Variants in PMEPA1 observed in about 807,000 individuals in gnomAD.
PMEPA1 encodes the protein prostate transmembrane protein, androgen induced 1, also known as protein TMEPAI.
In PMEPA1, 11 loss-of-function variants were observed where a neutral mutation model predicts 23.0. That is an observed-to-expected ratio of 0.48 (90% CI 0.30 to 0.79). The LOEUF is 0.79. PMEPA1 is among the 30% of genes least tolerant of loss of function. The probability of loss-of-function intolerance (pLI) is 0.06; values close to 1 mark genes in which losing one functional copy is unlikely to be tolerated. For synonymous variants in PMEPA1, 204 were observed against 166.4 expected (o/e 1.23, Z -1.74); for missense variants, 377 against 390.9 (o/e 0.96, Z 0.30).
chr20:57,686,015 GC>G (rs2071796283), intron 1 of PMEPA1, among the ~76,000 whole-genome samples: 1 of 152,108 alleles, frequency 6.6e-6, no homozygotes, highest in South Asian at 2.1e-4. Flanking sequence ...CAAGGGTGTG[GC>G]CCGGGGACAC....
intron 2 of PMEPA1, among the ~76,000 whole-genome samples, chr20:57,657,903 G>A (rs1277006342): frequency 6.6e-6 from 1 of 152,196 alleles, no homozygotes; most frequent in East Asian, 1.9e-4. Flanking sequence ...TCAGAGACGT[G>A]CCGCAGCCCC....
chr20:57,690,007 C>T (rs1486521656), intron 1 of PMEPA1, among the ~76,000 whole-genome samples: 1 of 152,268 alleles, frequency 6.6e-6, no homozygotes, highest in Non-Finnish European at 1.5e-5. Context: ...TGAGCTTCTC[C>T]CAACACCCGA....
intron 2 of PMEPA1, among the ~76,000 whole-genome samples, chr20:57,659,234 C>G (rs1424230828): frequency 1.3e-5 from 2 of 152,244 alleles, no homozygotes; most frequent in Non-Finnish European, 2.9e-5. Context: ...GCCCTCTCCC[C>G]AGGCCCTGCA....
intron 1 of PMEPA1, among the ~76,000 whole-genome samples, chr20:57,669,364 T>C (rs1403532653): frequency 6.6e-6 from 1 of 152,106 alleles, no homozygotes; most frequent in East Asian, 1.9e-4. Context: ...TTTCACCATG[T>C]TGGACAGGCT....
chr20:57,652,913 A>C lies in PMEPA1; in HGVS notation c.318+120T>G, dbSNP rs1357879810. 13 of 852,452 alleles carry C rather than the reference A, an allele frequency of 1.5e-5. No individual in the cohort carries two copies. In the East Asian group the frequency reaches 1.9e-4, roughly 12 times the overall value. The allele number at this position is 852,452 out of a possible 1,614,324, so 52.8% of individuals were successfully genotyped here. A position where few individuals can be genotyped will look rare whatever the true frequency, so the allele number is the denominator to read the frequency against. The stretch of plus-strand genomic sequence containing the variant: ...CTCCGGCAAGGAGGATCCCAGCAGC[A>C]AGGGCACTGCAGAGGAGGGCGGAGG... On this transcript the variant is annotated intron_variant, in intron 3 of 3. Coordinates refer to ENST00000341744, the MANE Select transcript of PMEPA1 (RefSeq NM_020182.5). This position sits in a 1 kb window ranked among gnomAD's most constrained non-coding sequence, Gnocchi z 6.1.
chr20:57,700,646 A>G (rs963839653), intron 1 of PMEPA1, among the ~76,000 whole-genome samples: 2 of 152,160 alleles, frequency 1.3e-5, no homozygotes, highest in African/African-American at 4.8e-5. Context: ...GGGATTTTCA[A>G]CTTGTTACTA....
chr20:57,690,559 C>A, intron 1 of PMEPA1: 1 of 1,276,056 alleles, frequency 7.8e-7, no homozygotes, highest in Non-Finnish European at 1.0e-6. Flanking sequence ...TAGCAGGAGG[C>A]GGGGTCTCCA....
At chr20:57,686,160 G>A (rs2071798550) in intron 1 of PMEPA1, among the ~76,000 whole-genome samples, 2 of 152,152 alleles carry the variant, frequency 1.3e-5, no homozygotes, top group Admixed American at 1.3e-4. Flanking sequence ...TCTCCTTCAG[G>A]TTACACTCCG....
upstream of PMEPA1, chr20:57,710,402 TG>T: frequency 2.5e-6 from 4 of 1,577,518 alleles, no homozygotes; most frequent in South Asian, 2.3e-5. Flanking sequence ...ACAAGGTCCC[TG>T]GGGGCTCAGG....
In PMEPA1 at chr20:57,651,445, C is replaced by G. The variant is rs2071226679; in HGVS notation, c.*608G>C. 6.6e-6 allele frequency: 1 copy of G among 152,630 alleles called. No individual in the cohort carries two copies. The highest frequency in any genetic ancestry group is 2.1e-4 in the South Asian group (1 of 4,832). 9.5% of individuals were successfully genotyped at this position (152,630 alleles called of 1,614,324 possible). ...TTTATATTAAAAAATAGTGCAAAAT[C>G]TCAACATTTATATAAATAACTCTAA... On this transcript the variant is annotated 3_prime_UTR_variant, in exon 4 of 4. Coordinates refer to ENST00000341744, the MANE Select transcript of PMEPA1 (RefSeq NM_020182.5).
rs764093975 is a variant in PMEPA1 at position 57,652,230 on chromosome 20, C to T, written c.687G>A (p.Pro229=). 44 of 1,607,164 alleles carry T rather than the reference C, an allele frequency of 2.7e-5. No individual in the cohort carries two copies. The highest frequency in any genetic ancestry group is 1.7e-4 in the Middle Eastern group (1 of 6,026). The change falls in exon 4 of 4, where the codon CCG becomes CCA. Residue 229 remains proline, a synonymous_variant. Transcript: ENST00000341744. The surrounding 1 kb of genome is among the most constrained non-coding windows in gnomAD (Gnocchi z 6.1). ...GGCCGATGACCTCGCTGTAGGTGGG[C>T]GGCGGCCCCTCCATGCGCCCGCCGC... ...YGSGGRMEGP[P]PTYSEVIGHY...
At chr20:57,696,968 A>C (rs1291842637) in intron 1 of PMEPA1, among the ~76,000 whole-genome samples, 1 of 152,182 alleles carries the variant, frequency 6.6e-6, no homozygotes, top group African/African-American at 2.4e-5. Context: ...CTCTTCGGGG[A>C]GGCTTGCTCT....
At chr20:57,669,383 ACTC>A (rs2071537423) in intron 1 of PMEPA1, among the ~76,000 whole-genome samples, 1 of 151,658 alleles carries the variant, frequency 6.6e-6, no homozygotes, top group Non-Finnish European at 1.5e-5. Flanking sequence ...CTGGTCTCGA[ACTC>A]CTGACCTCAA....
At position 57,656,184 on chromosome 20, in the gene PMEPA1, C is replaced by T. The variant is rs186590144; in HGVS notation, c.265-3098G>A. On this transcript the variant is annotated intron_variant, in intron 2 of 3. Coordinates refer to ENST00000341744, the MANE Select transcript of PMEPA1 (RefSeq NM_020182.5). This position sits in a 1 kb window ranked among gnomAD's most constrained non-coding sequence, Gnocchi z 4.7. Reference sequence around the variant, plus strand: ...CTAAAAAATTCGGTACCTCCCATGTCCTCAGGAGATACTGAATTCCCCCAC... The same window carrying T: ...CTAAAAAATTCGGTACCTCCCATGTTCTCAGGAGATACTGAATTCCCCCAC... Among the ~76,000 whole-genome samples the T allele has an allele frequency of 6.0e-5, 9 of 150,710 alleles. No homozygotes were observed.
At chr20:57,702,218 G>A (rs2072020952) in intron 1 of PMEPA1, among the ~76,000 whole-genome samples, 1 of 152,222 alleles carries the variant, frequency 6.6e-6, no homozygotes, top group Non-Finnish European at 1.5e-5. Context: ...GTGGCAGATG[G>A]TGCTGAACGC....
At chr20:57,693,931 C>A (rs1016302659) in intron 1 of PMEPA1, among the ~76,000 whole-genome samples, 2 of 152,228 alleles carry the variant, frequency 1.3e-5, no homozygotes, top group Admixed American at 6.5e-5. Context: ...GAGATTCAGG[C>A]TGGAGCCTCA....
chr20:57,685,570 G>A (rs542187352), intron 1 of PMEPA1, among the ~76,000 whole-genome samples: 2 of 152,266 alleles, frequency 1.3e-5, no homozygotes, highest in African/African-American at 4.8e-5. Context: ...CTAAGTTATC[G>A]GTCTGGTTTG....
At chr20:57,707,428 A>G (rs2072104496) in intron 1 of PMEPA1, among the ~76,000 whole-genome samples, 1 of 152,196 alleles carries the variant, frequency 6.6e-6, no homozygotes, top group Non-Finnish European at 1.5e-5. Context: ...GGCTGTGTAT[A>G]CACAGAACAC....
intron 1 of PMEPA1, among the ~76,000 whole-genome samples, chr20:57,691,475 C>A (rs899777891): frequency 2.0e-4 from 30 of 152,096 alleles, no homozygotes; most frequent in African/African-American, 7.2e-4. Context: ...TCTAGGAGGG[C>A]GAAGGTGTCC....
Sources: allele counts gnomAD v4.1 joint callset (sites outside exome capture counted in the v4.1 genomes callset), GRCh38; gene constraint gnomAD v4.1.1; non-coding constraint Gnocchi (gnomAD v3.1); transcripts MANE v1.5; gene names NCBI Gene and HGNC (gene_info 2026-07-23, HGNC 2026-07-21).